The following SUFU variants were observed in gnomAD, a reference collection of about 807,000 sequenced individuals.
The protein encoded by SUFU is SUFU negative regulator of hedgehog signaling.
A neutral mutation model predicts 58.9 loss-of-function variants in SUFU; 7 were observed. The observed-to-expected ratio is 0.12, with a 90% CI of 0.07 to 0.22. The LOEUF (loss-of-function observed/expected upper bound fraction) is 0.22. Ranked by LOEUF, SUFU falls within the 10% of genes least tolerant of loss-of-function variation. The pLI is 1.00. For missense variants in SUFU, 451 were observed against 641.3 expected (o/e 0.70, Z 3.20); for synonymous variants, 232 against 254.8 (o/e 0.91, Z 0.85).
chr10:102,506,473 G>T (rs7902317), intron 1 of SUFU, among the ~76,000 whole-genome samples: 1 of 151,840 alleles, frequency 6.6e-6, no homozygotes, highest in Non-Finnish European at 1.5e-5. Flanking sequence ...CTGTCTCCCG[G>T]TTTCAAGCGA....
rs935752591 is a variant in SUFU at position 102,625,667 on chromosome 10, C to T, written c.1297-1508C>T. 6.6e-6 allele frequency among the ~76,000 whole-genome samples: 1 copy of T among 152,188 alleles called. No homozygotes were observed. Among genetic ancestry groups the T allele is most frequent in the Non-Finnish European group, 1.5e-5 (1 of 68,030 alleles). On this transcript the variant is annotated intron_variant, in intron 10 of 11. Coordinates refer to ENST00000369902, the MANE Select transcript of SUFU (RefSeq NM_016169.4). The surrounding 1 kb of genome is among the most constrained non-coding windows in gnomAD (Gnocchi z 4.7). ...TGTGACACTGAGCAAATTACATAAC[C>T]TGCCTGTGCCTGTTTCCTCCACTGT... is the stretch of plus-strand genomic sequence containing the variant.
At chr10:102,610,894 C>T (rs2063616684) in intron 8 of SUFU, among the ~76,000 whole-genome samples, 1 of 152,052 alleles carries the variant, frequency 6.6e-6, no homozygotes, top group Non-Finnish European at 1.5e-5. Context: ...GGAGAAAGCC[C>T]GAGGGAGATT....
At chr10:102,512,407 T>C (rs2062410744) in intron 2 of SUFU, among the ~76,000 whole-genome samples, 1 of 152,226 alleles carries the variant, frequency 6.6e-6, no homozygotes, top group Non-Finnish European at 1.5e-5. Flanking sequence ...AGAATATCAT[T>C]TCCTATGTGG....
intron 3 of SUFU, among the ~76,000 whole-genome samples, chr10:102,560,915 G>T (rs540424508): frequency 6.6e-6 from 1 of 152,070 alleles, no homozygotes; most frequent in South Asian, 2.1e-4. Flanking sequence ...TCGGCTCACC[G>T]CATCCTCCGC....
At chr10:102,515,825 G>A (rs978690846) in intron 2 of SUFU, among the ~76,000 whole-genome samples, 5 of 152,152 alleles carry the variant, frequency 3.3e-5, no homozygotes, top group Non-Finnish European at 5.9e-5. Context: ...GGCTCATTGG[G>A]GGGCACACCT....
At chr10:102,563,171 G>T (rs2063055653) in intron 3 of SUFU, among the ~76,000 whole-genome samples, 1 of 152,140 alleles carries the variant, frequency 6.6e-6, no homozygotes, top group South Asian at 2.1e-4. Context: ...GGGAAAAGGA[G>T]CTTTTTCATC....
intron 3 of SUFU, among the ~76,000 whole-genome samples, chr10:102,585,583 T>G (rs1370841296): frequency 6.6e-6 from 1 of 152,216 alleles, no homozygotes; most frequent in Non-Finnish European, 1.5e-5. Context: ...CAAAGCTCAC[T>G]GCAGCCTCCA....
At chr10:102,608,345 G>T (rs2135911753) in intron 8 of SUFU, among the ~76,000 whole-genome samples, 1 of 152,288 alleles carries the variant, frequency 6.6e-6, no homozygotes, top group African/African-American at 2.4e-5. Context: ...GAAACCGTTT[G>T]ACTAAACACT....
At chr10:102,578,447 C>T (rs1374902795) in intron 3 of SUFU, among the ~76,000 whole-genome samples, 1 of 151,392 alleles carries the variant, frequency 6.6e-6, no homozygotes, top group African/African-American at 2.4e-5. Context: ...GGTGCAGTGG[C>T]ACCTGTAACC....
chr10:102,541,965 A>ACCTCTG (rs1430076929), intron 2 of SUFU, among the ~76,000 whole-genome samples: 14 of 143,044 alleles, frequency 9.8e-5, no homozygotes, highest in Non-Finnish European at 6.1e-5. Context: ...GCTCACTGCA[A>ACCTCTG]CCTCTGCCTC....
At chr10:102,527,043 C>A (rs1350505190) in intron 2 of SUFU, among the ~76,000 whole-genome samples, 5 of 132,816 alleles carry the variant, frequency 3.8e-5, no homozygotes, top group Non-Finnish European at 7.7e-5. Flanking sequence ...GTCGCCCAGG[C>A]TGGAGTGCAG....
chr10:102,629,196 G>C lies in SUFU; in HGVS notation c.1366-870G>C, dbSNP rs902806069. Among the ~76,000 whole-genome samples the C allele has an allele frequency of 3.9e-5, 6 of 152,204 alleles. No individual in the cohort carries two copies. Among genetic ancestry groups the C allele is most frequent in the African/African-American group, 1.4e-4 (6 of 41,456 alleles). On this transcript the variant is annotated intron_variant, in intron 11 of 11. Transcript: ENST00000369902. This position sits in a 1 kb window ranked among gnomAD's most constrained non-coding sequence, Gnocchi z 4.7. Reference sequence around the variant, plus strand: ...AGACAGACCCTGTGTCTAAGTTCCGGTATCAGTCCCAGGCAGTGAGCATTT... The same window carrying C: ...AGACAGACCCTGTGTCTAAGTTCCGCTATCAGTCCCAGGCAGTGAGCATTT...
chr10:102,576,706 A>ATGTTT (rs1007433715), intron 3 of SUFU, among the ~76,000 whole-genome samples: 1 of 152,094 alleles, frequency 6.6e-6, no homozygotes, highest in African/African-American at 2.4e-5. Context: ...TGGCAACTAA[A>ATGTTT]TGTTTTGTTT....
intron 2 of SUFU, among the ~76,000 whole-genome samples, chr10:102,549,633 A>G (rs2062890841): frequency 6.6e-6 from 1 of 152,248 alleles, no homozygotes; most frequent in African/African-American, 2.4e-5. Context: ...GAGCATGAAC[A>G]AGGGAGATTT....
chr10:102,612,250 A>T (rs1338722220), intron 8 of SUFU, among the ~76,000 whole-genome samples: 1 of 151,652 alleles, frequency 6.6e-6, no homozygotes, highest in East Asian at 1.9e-4. Context: ...CCGCGTTTCC[A>T]TCGAAGCAGC....
At chr10:102,541,268 G>A (rs2062796186) in intron 2 of SUFU, among the ~76,000 whole-genome samples, 1 of 152,104 alleles carries the variant, frequency 6.6e-6, no homozygotes, top group African/African-American at 2.4e-5. Flanking sequence ...ACACCCTGCA[G>A]TGCTTTCTAC....
intron 3 of SUFU, among the ~76,000 whole-genome samples, chr10:102,553,394 T>C (rs751365789): frequency 1.3e-5 from 2 of 152,174 alleles, no homozygotes; most frequent in Non-Finnish European, 1.5e-5. Flanking sequence ...AGCTTTTCAG[T>C]TGCAGCAAGC....
chr10:102,542,169 G>C (rs11191323), intron 2 of SUFU, among the ~76,000 whole-genome samples: 1 of 143,284 alleles, frequency 7.0e-6, no homozygotes, highest in Admixed American at 7.2e-5. Flanking sequence ...GTCTCACTCT[G>C]TTGCCTGGGC....
intron 2 of SUFU, among the ~76,000 whole-genome samples, chr10:102,517,087 C>T (rs375963632): frequency 1.4e-5 from 2 of 147,716 alleles, no homozygotes; most frequent in African/African-American, 2.5e-5. Context: ...TGCATCATTG[C>T]ACTCTAGCCT....
Sources: allele counts gnomAD v4.1 joint callset (sites outside exome capture counted in the v4.1 genomes callset), GRCh38; gene constraint gnomAD v4.1.1; non-coding constraint Gnocchi (gnomAD v3.1); transcripts MANE v1.5; gene names NCBI Gene and HGNC (gene_info 2026-07-23, HGNC 2026-07-21).